PAX8: variants seen among roughly 807,000 people sequenced by gnomAD.
PAX8 encodes paired box protein Pax-8.
In PAX8, 15 loss-of-function variants were observed where a neutral mutation model predicts 52.4. The observed-to-expected ratio is 0.29, with a 90% CI of 0.19 to 0.44. The LOEUF is 0.44. Among genes scored for constraint, PAX8 ranks in the 20% least tolerant of loss-of-function variants. The pLI is 1.00. For synonymous variants in PAX8, 284 were observed against 249.7 expected (o/e 1.14, Z -1.29); for missense variants, 554 against 602.5 (o/e 0.92, Z 0.84).
chr2:113,220,330 G>A (rs987555143), intron 10 of PAX8, 152 bp from the exon 11 acceptor site: 3 of 645,576 alleles, frequency 4.6e-6, no homozygotes, highest in African/African-American at 1.8e-5. Flanking sequence ...AGCTCAGAAG[G>A]TCCCTCTGTC....
intron 10 of PAX8, 158 bp downstream of exon 10, chr2:113,226,997 T>A: frequency 6.5e-7 from 1 of 1,527,896 alleles, no homozygotes; most frequent in Non-Finnish European, 8.8e-7. Context: ...GGACATCGTC[T>A]CCAGGCATTT....
intron 2 of PAX8, chr2:113,259,645 T>C (rs944770314): frequency 6.6e-6 from 1 of 152,630 alleles, no homozygotes; most frequent in African/African-American, 2.4e-5. Context: ...AAAAATCTCC[T>C]CTGTTGATAG....
chr2:113,226,820 G>C, intron 10 of PAX8: 2 of 1,256,932 alleles, frequency 1.6e-6, no homozygotes, highest in Admixed American at 3.3e-5. Flanking sequence ...GGCCCTTAGA[G>C]TGCTCTCCAT....
At chr2:113,243,502 C>T (rs1691047677) in intron 4 of PAX8, among the ~76,000 whole-genome samples, 1 of 152,084 alleles carries the variant, frequency 6.6e-6, no homozygotes, top group African/African-American at 2.4e-5. Flanking sequence ...AGTGGTTTTC[C>T]TGCTTCAGTC....
At chr2:113,278,258 G>T (rs945863384) in intron 2 of PAX8, 112 bp downstream of exon 2, 5 of 879,926 alleles carry the variant, frequency 5.7e-6, no homozygotes, top group East Asian at 2.6e-5. Flanking sequence ...TCCCCACGCG[G>T]GTGGGTCCCG....
In PAX8 at chr2:113,235,711, C is replaced by G. The variant is rs955970118; in HGVS notation, c.899-129G>C. On this transcript the variant is annotated intron_variant, in intron 8 of 11. Transcript: ENST00000429538. Reference sequence around the variant, plus strand: ...GGGCAGGCTCAGCTGCCCTCAGAGTCTGGGCTGGGGAGAGCCGGGGCCCAC... The same window carrying G: ...GGGCAGGCTCAGCTGCCCTCAGAGTGTGGGCTGGGGAGAGCCGGGGCCCAC... 5.7e-6 allele frequency: 4 copies of G among 706,920 alleles called. No individual in the cohort carries two copies. In the African/African-American group the frequency reaches 7.2e-5, roughly 13 times the overall value. The allele number at this position is 706,920 out of a possible 1,614,324, so 43.8% of individuals were successfully genotyped here. A position where few individuals can be genotyped will look rare whatever the true frequency, so the allele number is the denominator to read the frequency against.
At chr2:113,263,600 A>G (rs1256562039) in intron 2 of PAX8, 2 of 152,218 alleles carry the variant, frequency 1.3e-5, no homozygotes, top group Non-Finnish European at 2.9e-5. Flanking sequence ...CGGAGGCTCA[A>G]ATGGCATGTG....
chr2:113,235,765 C>A, intron 8 of PAX8, 183 bp from the exon 9 acceptor site: 1 of 582,246 alleles, frequency 1.7e-6, no homozygotes, highest in South Asian at 2.1e-5. Flanking sequence ...GAGAGAGAAG[C>A]TAGACCTCCC....
chr2:113,243,032 C>G (rs535941845), intron 4 of PAX8, among the ~76,000 whole-genome samples: 19 of 152,182 alleles, frequency 1.2e-4, no homozygotes, highest in African/African-American at 4.6e-4. Context: ...CCCTCTCTTT[C>G]CTATCAAACC....
intron 2 of PAX8, among the ~76,000 whole-genome samples, chr2:113,262,267 C>T (rs1692741209): frequency 6.6e-6 from 1 of 152,190 alleles, no homozygotes; most frequent in Admixed American, 6.5e-5. Flanking sequence ...CTTCTGGCCT[C>T]AGCCTCCCAA....
In PAX8 at chr2:113,278,859, C is replaced by G. The variant is rs2084163; in HGVS notation, c.-104G>C. 4.1e-3 allele frequency: 4,352 copies of G among 1,063,778 alleles called. 147 individuals are homozygous for G. The African/African-American group carries it at 0.066, about 16-fold the overall frequency. The allele number at this position is 1,063,778 out of a possible 1,614,324, so 65.9% of individuals were successfully genotyped here. A position where few individuals can be genotyped will look rare whatever the true frequency, so the allele number is the denominator to read the frequency against. ...GCCGGCCGGCTGCAGGCCCTCACTG[C>G]TTGGGTCCGCCCGCGAGGGTGCCCT... On this transcript the variant is annotated 5_prime_UTR_variant, in exon 1 of 12. Coordinates refer to ENST00000429538, the MANE Select transcript of PAX8 (RefSeq NM_003466.4).
intron 2 of PAX8, among the ~76,000 whole-genome samples, chr2:113,254,414 A>G (rs1412494081): frequency 1.3e-5 from 2 of 152,148 alleles, no homozygotes; most frequent in Non-Finnish European, 2.9e-5. Context: ...TGCAAGAGAG[A>G]ATGAGCTCAA....
At chr2:113,238,012 G>C (rs893997281) in intron 7 of PAX8, 7 of 151,554 alleles carry the variant, frequency 4.6e-5, no homozygotes, top group African/African-American at 9.7e-5. Flanking sequence ...TGGTGCTCTG[G>C]TTCCATGCCT....
intron 2 of PAX8, chr2:113,259,383 C>T (rs1008378471): frequency 3.3e-5 from 5 of 153,114 alleles, no homozygotes; most frequent in African/African-American, 1.2e-4. Flanking sequence ...GAACCTTCTC[C>T]ATCCTCCCAC....
intron 2 of PAX8, 25 bp from the exon 3 acceptor site, chr2:113,246,944 C>T (rs757811458): frequency 3.7e-6 from 6 of 1,606,312 alleles, no homozygotes; most frequent in Non-Finnish European, 5.1e-6. Context: ...TTCCCAGGGA[C>T]AGCTGTCAGG....
Position 113,241,648 on chromosome 2 carries a change from G to A in PAX8, c.680C>T (p.Ala227Val), listed in dbSNP as rs1410616864. ...CGGCTCGAGGTGGTGCTGGCTGAAG[G>A]CATCCGTGCGAAGGTGCTTTCGGGG... ...SGPRKHLRTDAFSQHHLEPLE... is the reference protein window; with the variant it reads ...SGPRKHLRTDVFSQHHLEPLE... Residue 227 changes from alanine (A) to valine (V), a missense_variant, in exon 7 of 12, where the codon GCC becomes GTC. Transcript: ENST00000429538. 1.9e-6 allele frequency: 3 copies of A among 1,614,072 alleles called. No individual in the cohort carries two copies. The highest frequency in any genetic ancestry group is 2.2e-5 in the South Asian group (2 of 91,082).
At chr2:113,227,351 C>A in intron 9 of PAX8, 95 bp from the exon 10 acceptor site, 1 of 1,017,406 alleles carries the variant, frequency 9.8e-7, no homozygotes, top group Non-Finnish European at 1.5e-6. Context: ...CATGCCATTC[C>A]CACCCTCTCT....
At chr2:113,250,330 A>C (rs1168061604) in intron 2 of PAX8, among the ~76,000 whole-genome samples, 1 of 152,202 alleles carries the variant, frequency 6.6e-6, no homozygotes, top group Non-Finnish European at 1.5e-5. Flanking sequence ...TAGATAAACA[A>C]ATCTTGCTAT....
At chr2:113,278,737 G>A in intron 1 of PAX8, 94 bp downstream of exon 1, 2 of 658,048 alleles carry the variant, frequency 3.0e-6, no homozygotes, top group Non-Finnish European at 4.3e-6. Context: ...AACTTGGGAG[G>A]GAAAAGGCTG....
Sources: allele counts gnomAD v4.1 joint callset (sites outside exome capture counted in the v4.1 genomes callset), GRCh38; gene constraint gnomAD v4.1.1; transcripts MANE v1.5; gene names NCBI Gene and HGNC (gene_info 2026-07-23, HGNC 2026-07-21).